INSL6: variants seen among roughly 807,000 people sequenced by gnomAD.
INSL6 encodes insulin like 6.
In INSL6, 16 loss-of-function variants were observed where a neutral mutation model predicts 9.4. That is an observed-to-expected ratio of 1.70 (90% CI 1.15 to 2.59). The LOEUF (loss-of-function observed/expected upper bound fraction) is 2.59, where lower values mean the gene tolerates loss of function less well. Ranked by LOEUF, INSL6 falls within the 30% of genes most tolerant of loss-of-function variation. The pLI is 0.00. For synonymous variants in INSL6, 154 were observed against 96.9 expected, an observed-to-expected ratio of 1.59 and a Z score of -3.46; for missense variants, 391 against 257.3, an observed-to-expected ratio of 1.52 and a Z score of -3.56.
the INSL6 span, chr9:5,099,205 A>G: frequency 6.6e-6 from 1 of 152,136 alleles, no homozygotes; most frequent in Non-Finnish European, 1.5e-5. Flanking sequence ...TACCTTAACC[A>G]CTGGGCGACC....
the INSL6 span, among the ~76,000 whole-genome samples, chr9:5,105,846 A>C: frequency 6.6e-6 from 1 of 152,258 alleles, no homozygotes. Context: ...GTGCTGGGAA[A>C]ACTGGCTAGC....
chr9:5,022,748 GA>G, the INSL6 span, among the ~76,000 whole-genome samples: 1 of 152,106 alleles, frequency 6.6e-6, no homozygotes, highest in Non-Finnish European at 1.5e-5. Flanking sequence ...GTGAACCAGA[GA>G]ACTCTTTCTA....
intron 3 of INSL6, among the ~76,000 whole-genome samples, chr9:5,130,887 C>CGG (rs1824264017): frequency 6.6e-6 from 1 of 150,432 alleles, no homozygotes; most frequent in Non-Finnish European, 1.5e-5. Flanking sequence ...TGCCACTACA[C>CGG]CCGGCTAATT....
rs779920842 is a variant in INSL6, at chr9:5,185,572, A to G, written c.31T>C (p.Trp11Arg). 2.5e-6 allele frequency: 4 copies of G among 1,613,906 alleles called. No individual in the cohort carries two copies. The highest frequency in any genetic ancestry group is 3.4e-6 in the Non-Finnish European group (4 of 1,179,998). The change falls in exon 1 of 2, where the codon TGG becomes CGG. Residue 11 changes from tryptophan (W) to arginine (R), a missense_variant. Physicochemically the swap from Trp to Arg is moderately radical, Grantham distance 101. Coordinates refer to ENST00000381641, the MANE Select transcript of INSL6 (RefSeq NM_007179.3). ...AACCGAACCAGCAGGAGTCCAAGCC[A>G]CAGCAGGGACAAGCGGAGGAGCCGC... MPRLLRLSLL[W>R]LGLLLVRFSR...
chr9:5,028,702 C>T, the INSL6 span, among the ~76,000 whole-genome samples: 10 of 152,240 alleles, frequency 6.6e-5, no homozygotes, highest in Admixed American at 6.5e-4. Flanking sequence ...CTTGCTGCTT[C>T]ACCTTGCACT....
chr9:5,087,730 G>A, the INSL6 span, among the ~76,000 whole-genome samples: 1 of 152,196 alleles, frequency 6.6e-6, no homozygotes, highest in Non-Finnish European at 1.5e-5. Flanking sequence ...GGTAACCACT[G>A]CCAGACAGCT....
At chr9:5,042,445 C>G in the INSL6 span, among the ~76,000 whole-genome samples, 1 of 152,112 alleles carries the variant, frequency 6.6e-6, no homozygotes, top group Admixed American at 6.5e-5. Flanking sequence ...CCAAGACTGG[C>G]CAAAATTTCT....
chr9:4,992,977 C>T, the INSL6 span, among the ~76,000 whole-genome samples: 1 of 152,178 alleles, frequency 6.6e-6, no homozygotes, highest in Non-Finnish European at 1.5e-5. Context: ...TGCACCCAAC[C>T]CATATAAATT....
At chr9:5,182,986 C>G (rs1825492871) in intron 1 of INSL6, among the ~76,000 whole-genome samples, 1 of 152,132 alleles carries the variant, frequency 6.6e-6, no homozygotes, top group Non-Finnish European at 1.5e-5. Context: ...CTGTGTCAGA[C>G]TCAAGTAGAT....
the INSL6 span, chr9:5,041,903 T>C: frequency 2.5e-6 from 1 of 408,142 alleles, no homozygotes; most frequent in Non-Finnish European, 4.7e-6. Flanking sequence ...CCTGCAGAGA[T>C]GGAGGTGGGC....
the INSL6 span, among the ~76,000 whole-genome samples, chr9:5,107,277 A>C: frequency 6.6e-6 from 1 of 152,088 alleles, no homozygotes; most frequent in Non-Finnish European, 1.5e-5. Context: ...TACTACTACT[A>C]CTAATTACAT....
At chr9:5,146,773 T>A (rs943554073) in intron 2 of INSL6, among the ~76,000 whole-genome samples, 1 of 152,040 alleles carries the variant, frequency 6.6e-6, no homozygotes, top group African/African-American at 2.4e-5. Context: ...TTGTGTGGGT[T>A]TGGGGGAAGC....
the INSL6 span, chr9:5,080,558 A>G: frequency 6.3e-7 from 1 of 1,596,040 alleles, no homozygotes; most frequent in Non-Finnish European, 8.5e-7. Flanking sequence ...GAAGATAGGC[A>G]TCAGCTTCCT....
At chr9:5,000,904 T>C in the INSL6 span, among the ~76,000 whole-genome samples, 2,403 of 152,304 alleles carry the variant, frequency 0.016, 69 homozygotes, top group East Asian at 0.13. Flanking sequence ...TCAGGTTCTT[T>C]CCTGTTTCTA....
the INSL6 span, among the ~76,000 whole-genome samples, chr9:5,113,189 AGCTT>A: frequency 1.0e-5 from 1 of 100,100 alleles, no homozygotes; most frequent in African/African-American, 4.1e-5. Flanking sequence ...GGCTGGCAGG[AGCTT>A]TTTTTTTTTT....
At chr9:5,172,773 C>A (rs1326806135) in intron 1 of INSL6, among the ~76,000 whole-genome samples, 1 of 151,882 alleles carries the variant, frequency 6.6e-6, no homozygotes, top group African/African-American at 2.4e-5. Context: ...TCTAAAAGTA[C>A]AAAAATTAGC....
chr9:5,078,117 T>C, the INSL6 span, among the ~76,000 whole-genome samples: 35,809 of 152,126 alleles, frequency 0.24, 4,599 homozygotes, highest in South Asian at 0.31. Context: ...GCATAGATTA[T>C]TGTGTTATTT....
the INSL6 span, among the ~76,000 whole-genome samples, chr9:5,087,545 C>T: frequency 7.9e-5 from 12 of 152,164 alleles, no homozygotes; most frequent in South Asian, 2.1e-4. Flanking sequence ...TCTTTCTTTT[C>T]GCTGTATTTT....
the INSL6 span, among the ~76,000 whole-genome samples, chr9:5,061,734 A>G: frequency 4.6e-5 from 7 of 152,322 alleles, no homozygotes; most frequent in Admixed American, 1.3e-4. Flanking sequence ...TCCCTCAAGG[A>G]CTTTTCCTTT....
Sources: gnomAD v4.1 joint callset for allele counts (sites outside exome capture counted in the v4.1 genomes callset) on GRCh38, gnomAD v4.1.1 for gene constraint, MANE v1.5 for transcripts, NCBI Gene and HGNC (gene_info 2026-07-23, HGNC 2026-07-21) for gene names.